TMC6: variants seen among roughly 807,000 people sequenced by gnomAD.
The protein encoded by TMC6 is transmembrane channel-like protein 6.
TMC6 carries 71 observed loss-of-function variants against 95.4 expected under a neutral mutation model. The ratio of observed to expected loss-of-function variants is 0.74; its 90% CI spans 0.61 to 0.91. TMC6 has a LOEUF of 0.91. Among genes scored for constraint, TMC6 ranks in the 40% least tolerant of loss-of-function variants. TMC6 has a pLI of 0.00. For synonymous variants in TMC6, 514 were observed against 483.1 expected (o/e 1.06, Z -0.84); for missense variants, 1,074 against 1,079.1 (o/e 1.00, Z 0.07).
chr17:78,118,707 G>A (rs2074257569), intron 15 of TMC6, among the ~76,000 whole-genome samples: 2 of 152,130 alleles, frequency 1.3e-5, no homozygotes, highest in Non-Finnish European at 2.9e-5. Flanking sequence ...CCAGAGCCCT[G>A]GCCCTACCCC....
rs536383269 is a variant in TMC6 at position 78,123,302 on chromosome 17, A to G, written c.1083-553T>C. 1.5e-3 allele frequency among the ~76,000 whole-genome samples: 227 copies of G among 152,348 alleles called. 1 individual carries two copies. The highest frequency in any genetic ancestry group is 5.2e-3 in the African/African-American group (218 of 41,572). On this transcript the variant is annotated intron_variant, in intron 9 of 19. Coordinates refer to ENST00000590602, the MANE Select transcript of TMC6 (RefSeq NM_001127198.5). Reference sequence around the variant, plus strand: ...ACATTTACCATCCTGCCCTGAGCTGAGCACAGAGAATGTTTGTGGAATACG... The same window carrying G: ...ACATTTACCATCCTGCCCTGAGCTGGGCACAGAGAATGTTTGTGGAATACG...
intron 13 of TMC6, 51 bp from the exon 14 acceptor site, chr17:78,119,443 G>A (rs1424961865): frequency 6.3e-7 from 1 of 1,589,626 alleles, no homozygotes. Flanking sequence ...GCCCAGGGAG[G>A]CCAGCCTGAG....
rs1009016812 is a variant in TMC6, at chr17:78,122,040, G to T, written c.1228-329C>A. On this transcript the variant is annotated intron_variant, in intron 10 of 19. Coordinates refer to ENST00000590602, the MANE Select transcript of TMC6 (RefSeq NM_001127198.5). The surrounding 1 kb of genome is among the most constrained non-coding windows in gnomAD (Gnocchi z 4.9). ...CAGAGGTCCTTTCCTGTTCCCTGTG[G>T]ATGTGGGTGGCCCCCAGTGACCAGA... is the stretch of plus-strand genomic sequence containing the variant. Among the ~76,000 whole-genome samples the T allele has an allele frequency of 4.6e-5, 7 of 152,210 alleles. No homozygotes were observed. The highest frequency in any genetic ancestry group is 1.7e-4 in the African/African-American group (7 of 41,540).
Position 78,124,936 on chromosome 17 carries a change from C to A in TMC6, c.586G>T (p.Gly196Cys), listed in dbSNP as rs575683171. The change falls in exon 7 of 20, where the codon GGC becomes TGC. Residue 196 changes from glycine to cysteine, a missense_variant. Coordinates refer to ENST00000590602, the MANE Select transcript of TMC6 (RefSeq NM_001127198.5). ...RGKWRGQPGSGGVCSCCGRLR... is the reference protein window; with the variant it reads ...RGKWRGQPGSCGVCSCCGRLR... ...CGGCCACAGCAGGAGCAGACCCCGC[C>A]GCTGCCCGGCTGGCCCCTCCACTTC... 2 of 1,601,956 alleles carry A rather than the reference C, an allele frequency of 1.2e-6. No homozygotes were observed. Among genetic ancestry groups the A allele is most frequent in the East Asian group, 4.5e-5 (2 of 44,610 alleles).
In TMC6 at chr17:78,119,361, G is replaced by A. The variant is rs770512733; in HGVS notation, c.1747C>T (p.Arg583Trp). 3.8e-5 allele frequency: 62 copies of A among 1,613,876 alleles called. No individual in the cohort carries two copies. Among genetic ancestry groups the A allele is most frequent in the Non-Finnish European group, 4.6e-5 (54 of 1,180,038 alleles). Reference sequence around the variant, plus strand: ...CGGGCAATGTCAAACTCCGGCTTCCGCCTCCTCTTCAGCTTCTTCTCGGAG... The same window carrying A: ...CGGGCAATGTCAAACTCCGGCTTCCACCTCCTCTTCAGCTTCTTCTCGGAG... ...IISEKKLKRR[R>W]KPEFDIARNV... is the part of the protein sequence containing the mutation. Residue 583 changes from arginine to tryptophan, a missense_variant, in exon 14 of 20, where the codon CGG becomes TGG. By Grantham distance (101) the Arg-to-Trp change is moderately radical. Transcript: ENST00000590602.
At chr17:78,124,440 G>C in intron 8 of TMC6, 84 bp downstream of exon 8, 1 of 1,587,400 alleles carries the variant, frequency 6.3e-7, no homozygotes, top group Non-Finnish European at 8.5e-7. Flanking sequence ...GGGGGCCCCA[G>C]GGGAGCTGGG....
intron 9 of TMC6, chr17:78,123,144 C>T (rs1019115440): frequency 3.8e-5 from 13 of 345,922 alleles, no homozygotes; most frequent in African/African-American, 2.3e-4. Flanking sequence ...GGGCAAGTGC[C>T]GCCTCCCCTG....
intron 18 of TMC6, among the ~76,000 whole-genome samples, chr17:78,116,581 T>C (rs562844052): frequency 1.3e-5 from 2 of 151,546 alleles, no homozygotes; most frequent in South Asian, 4.2e-4. Flanking sequence ...GGTCAAACAT[T>C]GTTTTCTTCA....
In TMC6 at chr17:78,121,657, G is replaced by GCCT; in HGVS notation, c.1279_1281dup (p.Arg427dup). ...AGCCCCAGCACAGCCGCCTGCCGCAGCCTCCCGCACACGCTCCTGGGGCTG... is the reference window on the plus strand; with the variant it reads ...AGCCCCAGCACAGCCGCCTGCCGCAGCCTCCTCCCGCACACGCTCCTGGGGCTG... On this transcript the variant is annotated inframe_insertion, in exon 11 of 20. Transcript: ENST00000590602. This position sits in a 1 kb window ranked among gnomAD's most constrained non-coding sequence, Gnocchi z 5.6. The GCCT allele has an allele frequency of 6.2e-7, 1 of 1,605,098 alleles. No homozygotes were observed. Among genetic ancestry groups the GCCT allele is most frequent in the East Asian group, 2.2e-5 (1 of 44,560 alleles).
chr17:78,126,371 A>C lies in TMC6; in HGVS notation c.182-5T>G, dbSNP rs1414492103. The C allele has an allele frequency of 2.5e-6, 4 of 1,593,824 alleles. No homozygotes were observed. The highest frequency in any genetic ancestry group is 3.4e-6 in the Non-Finnish European group (4 of 1,175,568). On this transcript the variant is annotated splice_polypyrimidine_tract_variant and splice_region_variant and intron_variant, in intron 3 of 19. Coordinates refer to ENST00000590602, the MANE Select transcript of TMC6 (RefSeq NM_001127198.5). The stretch of plus-strand genomic sequence containing the variant: ...AGAGTGTCTGCTGGCTACTTCCTAC[A>C]AAGCAAGAAAGACTCACCAGGGGTC...
rs1411171809 is a variant in TMC6 at position 78,117,274 on chromosome 17, TG to T, written c.2271del (p.Ser758AlafsTer10). 1.9e-6 allele frequency: 3 copies of T among 1,613,400 alleles called. No individual in the cohort carries two copies. In the African/African-American group the frequency reaches 4.0e-5, roughly 22 times the overall value. Reference protein sequence around the residue: ...RKVICLLKEQISNEGEDKIFL... With the variant: ...RKVICLLKEQXSNEGEDKIFL... ...AGCCCAGGAGGGGCACTCACATTGC[TG>T]ATCTGCTCCTTGAGCAGGCAGATGA... On this transcript the variant is annotated frameshift_variant, in exon 18 of 20. Transcript: ENST00000590602. LOFTEE classifies it high-confidence loss of function.
Position 78,111,777 on chromosome 17 carries a change from G to A in TMC6, c.*1371C>T, listed in dbSNP as rs1018190093. 2.1e-5 allele frequency: 4 copies of A among 191,138 alleles called. No homozygotes were observed. Among genetic ancestry groups the A allele is most frequent in the African/African-American group, 4.8e-5 (2 of 41,754 alleles). 11.8% of individuals were successfully genotyped at this position (191,138 alleles called of 1,614,324 possible). A position where few individuals can be genotyped will look rare whatever the true frequency, so the allele number is the denominator to read the frequency against. ...GGTCTGACCCTTTTCTGGGCCCATC[G>A]CTCTTTGACCATTTCCCCACCTGGG... On this transcript the variant is annotated 3_prime_UTR_variant, in exon 20 of 20. Coordinates refer to ENST00000590602, the MANE Select transcript of TMC6 (RefSeq NM_001127198.5).
At chr17:78,115,370 C>G (rs944079682) in intron 18 of TMC6, among the ~76,000 whole-genome samples, 4 of 152,308 alleles carry the variant, frequency 2.6e-5, no homozygotes, top group East Asian at 1.9e-4. Context: ...CTGGCACTCA[C>G]CAGCCCCAGA....
At position 78,119,043 on chromosome 17, in the gene TMC6, C is replaced by G. The variant is rs1254689507; in HGVS notation, c.1815G>C (p.Leu605=). The G allele has an allele frequency of 6.3e-7, 1 of 1,587,628 alleles. No individual in the cohort carries two copies. The highest frequency in any genetic ancestry group is 8.6e-7 in the Non-Finnish European group (1 of 1,166,998). ...GGAGGAGGGGCGAGAAGAGCACCCC[C>G]AGCCTGGGGAGGGGGTGGCAGTTCA... The part of the protein sequence containing the change: ...ELIYGQTLTW[L]GVLFSPLLPA... Residue 605 remains leucine, a synonymous_variant, in exon 15 of 20, where the codon CTG becomes CTC. Coordinates refer to ENST00000590602, the MANE Select transcript of TMC6 (RefSeq NM_001127198.5).
intron 4 of TMC6, 48 bp downstream of exon 4, chr17:78,126,229 G>A (rs1451338603): frequency 1.3e-6 from 2 of 1,537,256 alleles, no homozygotes; most frequent in East Asian, 2.4e-5. Context: ...CAGGGACTGG[G>A]GTCAACTCGG....
Position 78,124,616 on chromosome 17 carries a change from C to CCAG in TMC6, c.796_798dup (p.Leu266dup). On this transcript the variant is annotated inframe_insertion, in exon 8 of 20. Coordinates refer to ENST00000590602, the MANE Select transcript of TMC6 (RefSeq NM_001127198.5). Reference sequence around the variant, plus strand: ...ACCTGAGGGCCCATGATGAAGGCCACCAGCAGCAGCAGCAGGAGGGCATTG... The same window carrying CCAG: ...ACCTGAGGGCCCATGATGAAGGCCACCAGCAGCAGCAGCAGCAGGAGGGCATTG... The CCAG allele has an allele frequency of 2.5e-6, 4 of 1,612,302 alleles. No homozygotes were observed. Among genetic ancestry groups the CCAG allele is most frequent in the East Asian group, 2.2e-5 (1 of 44,868 alleles).
Position 78,126,899 on chromosome 17 carries a change from G to T in TMC6, c.-67C>A, listed in dbSNP as rs1386544399. ...TCAGAGCCTGGGCGCCACCTCCGGA[G>T]CCCCCATCTGATGAGACAGGGGCAC... is the stretch of plus-strand genomic sequence containing the variant. On this transcript the variant is annotated 5_prime_UTR_variant, in exon 2 of 20. Coordinates refer to ENST00000590602, the MANE Select transcript of TMC6 (RefSeq NM_001127198.5). 2 of 1,569,818 alleles carry T rather than the reference G, an allele frequency of 1.3e-6. No homozygotes were observed. Among genetic ancestry groups the T allele is most frequent in the Non-Finnish European group, 1.7e-6 (2 of 1,153,270 alleles).
rs140179406 is a variant in TMC6 at position 78,121,738 on chromosome 17, C to G, written c.1228-27G>C. 56 of 1,558,458 alleles carry G rather than the reference C, an allele frequency of 3.6e-5. No individual in the cohort carries two copies. The African/African-American group carries it at 6.8e-4, about 19-fold the overall frequency. ...TGCAGGCGGCACCGTGTCCCCGTCACCCACACCAGAGCACGGGCACACGCA... is the reference window on the plus strand; with the variant it reads ...TGCAGGCGGCACCGTGTCCCCGTCAGCCACACCAGAGCACGGGCACACGCA... On this transcript the variant is annotated intron_variant, in intron 10 of 19. Coordinates refer to ENST00000590602, the MANE Select transcript of TMC6 (RefSeq NM_001127198.5). This position sits in a 1 kb window ranked among gnomAD's most constrained non-coding sequence, Gnocchi z 5.6.
rs2074406545 is a variant in TMC6 at position 78,121,408 on chromosome 17, G to A, written c.1383+148C>T. 1.4e-6 allele frequency: 2 copies of A among 1,426,148 alleles called. No individual in the cohort carries two copies. Among genetic ancestry groups the A allele is most frequent in the South Asian group, 1.2e-5 (1 of 81,544 alleles). The allele number at this position is 1,426,148 out of a possible 1,614,324, so 88.3% of individuals were successfully genotyped here. A position where few individuals can be genotyped will look rare whatever the true frequency, so the allele number is the denominator to read the frequency against. On this transcript the variant is annotated intron_variant, in intron 11 of 19. Transcript: ENST00000590602. This position sits in a 1 kb window ranked among gnomAD's most constrained non-coding sequence, Gnocchi z 5.6. ...AAGGGGCTGAGAAGTGGGGCTCGGA[G>A]GGGGCCCCAGCACGGGGCACAGCGT...
Sources: allele counts gnomAD v4.1 joint callset (sites outside exome capture counted in the v4.1 genomes callset), GRCh38; gene constraint gnomAD v4.1.1; non-coding constraint Gnocchi (gnomAD v3.1); transcripts MANE v1.5; gene names NCBI Gene and HGNC (gene_info 2026-07-23, HGNC 2026-07-21).